Variants in RETREG1 observed in about 807,000 individuals in gnomAD.
RETREG1 encodes the protein family with sequence similarity 134 member B.
In RETREG1, 44 loss-of-function variants were observed where a neutral mutation model predicts 54.8. The ratio of observed to expected loss-of-function variants is 0.80; its 90% CI spans 0.63 to 1.03. RETREG1 has a LOEUF of 1.03. Ranked by LOEUF, RETREG1 falls within the 50% of genes least tolerant of loss-of-function variation. The pLI, the probability that RETREG1 is intolerant of heterozygous loss-of-function variation, is 0.00. For synonymous variants in RETREG1, 217 were observed against 238.5 expected, an observed-to-expected ratio of 0.91 and a Z score of 0.83; for missense variants, 554 against 605.1, an observed-to-expected ratio of 0.92 and a Z score of 0.89.
intron 3 of RETREG1, among the ~76,000 whole-genome samples, chr5:16,496,002 T>C (rs1184956041): frequency 6.6e-6 from 1 of 152,060 alleles, no homozygotes; most frequent in East Asian, 1.9e-4. Flanking sequence ...TTAGGCATGA[T>C]TTCTAGTTTT....
chr5:16,478,977 T>C lies in RETREG1; in HGVS notation c.681A>G (p.Ala227=). ...VILSYLLLLC[A]FLCPLFKCND... ...TACATTTAAACAATGGACACAAAAA[T>C]GCACACAGTACTGAAAGAAGAAAGA... The change falls in exon 6 of 9, where the codon GCA becomes GCG. Residue 227 remains alanine, a synonymous_variant. Transcript: ENST00000306320. 1 of 1,611,936 alleles carries C rather than the reference T, an allele frequency of 6.2e-7. No homozygotes were observed. Among genetic ancestry groups the C allele is most frequent in the Non-Finnish European group, 8.5e-7 (1 of 1,178,800 alleles).
chr5:16,578,430 A>C (rs1303956190), intron 1 of RETREG1, among the ~76,000 whole-genome samples: 1 of 152,230 alleles, frequency 6.6e-6, no homozygotes, highest in Non-Finnish European at 1.5e-5. Context: ...TTCTTTAAAA[A>C]GTAATTGAAC....
intron 3 of RETREG1, among the ~76,000 whole-genome samples, chr5:16,525,940 C>T (rs1265706410): frequency 6.6e-6 from 1 of 152,160 alleles, no homozygotes; most frequent in Non-Finnish European, 1.5e-5. Context: ...CTTCAAGGGA[C>T]CTGGGTCCTT....
At chr5:16,506,508 C>G (rs1739963500) in intron 3 of RETREG1, among the ~76,000 whole-genome samples, 1 of 146,190 alleles carries the variant, frequency 6.8e-6, no homozygotes, top group Non-Finnish European at 1.5e-5. Flanking sequence ...GGGTCTTACT[C>G]TGTCACCCAG....
At chr5:16,504,293 C>T (rs1739853549) in intron 3 of RETREG1, among the ~76,000 whole-genome samples, 1 of 152,198 alleles carries the variant, frequency 6.6e-6, no homozygotes, top group Admixed American at 6.5e-5. Flanking sequence ...TTTTCTTTAT[C>T]CAGTCTATCG....
chr5:16,607,375 T>C (rs1743218743), intron 1 of RETREG1, among the ~76,000 whole-genome samples: 1 of 152,050 alleles, frequency 6.6e-6, no homozygotes, highest in African/African-American at 2.4e-5. Flanking sequence ...GTGGCTCGGC[T>C]GGCCAAGATG....
At chr5:16,574,697 T>C (rs1384597434) in intron 1 of RETREG1, among the ~76,000 whole-genome samples, 2 of 152,160 alleles carry the variant, frequency 1.3e-5, no homozygotes, top group African/African-American at 4.8e-5. Context: ...GGCCCCAGGC[T>C]CCTCCTCCCA....
intron 5 of RETREG1, among the ~76,000 whole-genome samples, chr5:16,480,236 G>T (rs993347309): frequency 3.9e-5 from 6 of 151,928 alleles, no homozygotes; most frequent in Admixed American, 2.0e-4. Context: ...TATATAAATG[G>T]AATCACACTT....
chr5:16,608,716 C>CAG (rs1235817015), intron 1 of RETREG1, among the ~76,000 whole-genome samples: 1 of 152,134 alleles, frequency 6.6e-6, no homozygotes, highest in Non-Finnish European at 1.5e-5. Flanking sequence ...GGGTAGGGAG[C>CAG]AGACACTCAT....
intron 3 of RETREG1, among the ~76,000 whole-genome samples, chr5:16,496,123 T>TA (rs371478439): frequency 2.0e-3 from 295 of 149,558 alleles, no homozygotes; most frequent in Non-Finnish European, 3.1e-3. Context: ...TGTCCACACT[T>TA]AAAAAAAAAA....
intron 1 of RETREG1, among the ~76,000 whole-genome samples, chr5:16,592,152 A>C (rs1027971415): frequency 1.3e-5 from 2 of 152,222 alleles, no homozygotes; most frequent in Non-Finnish European, 2.9e-5. Flanking sequence ...ATTCAACTAC[A>C]TCAGAACTTC....
chr5:16,587,357 T>G (rs1365757105), intron 1 of RETREG1, among the ~76,000 whole-genome samples: 1 of 152,220 alleles, frequency 6.6e-6, no homozygotes, highest in Non-Finnish European at 1.5e-5. Flanking sequence ...TATCCATAAA[T>G]AGATTAGGTT....
At chr5:16,559,668 T>C (rs907132009) in intron 3 of RETREG1, among the ~76,000 whole-genome samples, 4 of 152,262 alleles carry the variant, frequency 2.6e-5, no homozygotes, top group Non-Finnish European at 5.9e-5. Flanking sequence ...GAATGATTTG[T>C]TGTATGTAAA....
At chr5:16,616,492 T>C (rs1246324654) in intron 1 of RETREG1, 160 bp downstream of exon 1, 2 of 1,270,936 alleles carry the variant, frequency 1.6e-6, no homozygotes, top group African/African-American at 1.5e-5. Context: ...TTGCGGTGAG[T>C]GTCTACCTGT....
intron 3 of RETREG1, among the ~76,000 whole-genome samples, chr5:16,523,079 A>C (rs976194046): frequency 3.9e-5 from 6 of 152,028 alleles, no homozygotes; most frequent in African/African-American, 1.2e-4. Context: ...GAAAGAAACA[A>C]CAGTGGATTT....
chr5:16,599,608 C>G (rs745804737), intron 1 of RETREG1, among the ~76,000 whole-genome samples: 5 of 152,122 alleles, frequency 3.3e-5, no homozygotes, highest in Non-Finnish European at 7.3e-5. Flanking sequence ...AATTACTGAG[C>G]ACCTACCATA....
chr5:16,550,277 A>T (rs570744862), intron 3 of RETREG1, among the ~76,000 whole-genome samples: 2,577 of 63,782 alleles, frequency 0.04, 29 homozygotes, highest in Non-Finnish European at 0.063. Flanking sequence ...TTAAAATTTA[A>T]AAAAAAAAAA....
At chr5:16,600,014 G>A (rs1279955833) in intron 1 of RETREG1, among the ~76,000 whole-genome samples, 1 of 152,106 alleles carries the variant, frequency 6.6e-6, no homozygotes, top group Non-Finnish European at 1.5e-5. Flanking sequence ...GGAGAAGGCA[G>A]GGGCGAGGAC....
intron 1 of RETREG1, among the ~76,000 whole-genome samples, chr5:16,583,369 T>C (rs1382817824): frequency 6.6e-6 from 1 of 150,952 alleles, no homozygotes; most frequent in East Asian, 1.9e-4. Flanking sequence ...GGCATGCACC[T>C]GTAGTCCCAG....
Sources: allele counts gnomAD v4.1 joint callset (sites outside exome capture counted in the v4.1 genomes callset), GRCh38; gene constraint gnomAD v4.1.1; transcripts MANE v1.5; gene names NCBI Gene and HGNC (gene_info 2026-07-23, HGNC 2026-07-21).